RMST: variants seen among roughly 807,000 people sequenced by gnomAD.
The protein encoded by RMST is long intergenic non-protein coding RNA 54.
At chr12:97,525,452 A>G (rs1330129317) in intron 10 of RMST, among the ~76,000 whole-genome samples, 1 of 152,180 alleles carries the variant, frequency 6.6e-6, no homozygotes, top group Admixed American at 6.5e-5. Context: ...TCAAGTAGGA[A>G]TAATGACTCT....
At chr12:97,549,345 T>G (rs1430761877) in intron 11 of RMST, among the ~76,000 whole-genome samples, 1 of 152,240 alleles carries the variant, frequency 6.6e-6, no homozygotes, top group African/African-American at 2.4e-5. Context: ...AAAGAGCCAT[T>G]CTCAGAGAGC....
At chr12:97,481,160 T>C (rs1275270343) in intron 5 of RMST, among the ~76,000 whole-genome samples, 1 of 152,026 alleles carries the variant, frequency 6.6e-6, no homozygotes, top group Non-Finnish European at 1.5e-5. Context: ...TAACTTTTAA[T>C]TTTTTTTCTT....
intron 11 of RMST, among the ~76,000 whole-genome samples, chr12:97,551,256 C>T (rs1883290238): frequency 6.6e-6 from 1 of 150,498 alleles, no homozygotes; most frequent in Admixed American, 6.6e-5. Context: ...TAACCAAGCC[C>T]TGCCTTTTGT....
At chr12:97,498,521 ATTG>A (rs1258713669) in intron 10 of RMST, among the ~76,000 whole-genome samples, 162 of 152,282 alleles carry the variant, frequency 1.1e-3, no homozygotes, top group Non-Finnish European at 1.0e-4. Flanking sequence ...GATCTTTAAT[ATTG>A]TTGTTATTTA....
intron 5 of RMST, among the ~76,000 whole-genome samples, chr12:97,467,341 A>G (rs1313198774): frequency 1.3e-5 from 2 of 151,992 alleles, no homozygotes; most frequent in East Asian, 1.9e-4. Flanking sequence ...TAAAGTTATG[A>G]CATATTAGAT....
At chr12:97,517,057 C>G (rs902725177) in intron 10 of RMST, among the ~76,000 whole-genome samples, 7 of 151,872 alleles carry the variant, frequency 4.6e-5, no homozygotes, top group African/African-American at 1.7e-4. Flanking sequence ...GTATTTATTT[C>G]AGACTCTACT....
intron 10 of RMST, chr12:97,496,071 G>A (rs1877373944): frequency 6.6e-6 from 1 of 152,110 alleles, no homozygotes; most frequent in African/African-American, 2.4e-5. Flanking sequence ...AAGCATTTCT[G>A]TATTAAAGTA....
At chr12:97,504,742 A>G (rs2136490197) in intron 10 of RMST, among the ~76,000 whole-genome samples, 1 of 152,320 alleles carries the variant, frequency 6.6e-6, no homozygotes, top group Non-Finnish European at 1.5e-5. Context: ...TATTTTAAAT[A>G]TTTGTTTTCA....
intron 13 of RMST, chr12:97,563,547 T>A (rs1477859291): frequency 3.2e-6 from 1 of 314,850 alleles, no homozygotes; most frequent in African/African-American, 2.2e-5. Flanking sequence ...TGAGCATTTC[T>A]CCAGGAATTC....
chr12:97,477,632 C>G (rs1280377071), intron 5 of RMST, among the ~76,000 whole-genome samples: 1 of 152,176 alleles, frequency 6.6e-6, no homozygotes, highest in Non-Finnish European at 1.5e-5. Flanking sequence ...AGAAAAGCTA[C>G]TCATAGAGCA....
intron 10 of RMST, among the ~76,000 whole-genome samples, chr12:97,514,385 A>G (rs529826399): frequency 5.0e-4 from 76 of 152,338 alleles, no homozygotes; most frequent in African/African-American, 1.5e-3. Flanking sequence ...AACCATGTTC[A>G]AGAAATGTTT....
At chr12:97,537,708 T>C in intron 11 of RMST, among the ~76,000 whole-genome samples, 1 of 151,460 alleles carries the variant, frequency 6.6e-6, no homozygotes, top group Non-Finnish European at 1.5e-5. Context: ...AGATTGTTAT[T>C]CAAGTCACAT....
chr12:97,518,784 T>C (rs1208055132), intron 10 of RMST, among the ~76,000 whole-genome samples: 1 of 152,104 alleles, frequency 6.6e-6, no homozygotes, highest in Non-Finnish European at 1.5e-5. Flanking sequence ...TTGCATTTTT[T>C]AGAAAAAAGG....
intron 10 of RMST, among the ~76,000 whole-genome samples, chr12:97,523,659 A>G (rs1880742747): frequency 6.6e-6 from 1 of 152,174 alleles, no homozygotes; most frequent in African/African-American, 2.4e-5. Context: ...CTCTGTATCC[A>G]CCAGAAGTTA....
chr12:97,521,306 G>A (rs776360100), intron 10 of RMST, among the ~76,000 whole-genome samples: 1 of 152,036 alleles, frequency 6.6e-6, no homozygotes. Context: ...TTTCAGCTGA[G>A]CATAAAACTG....
chr12:97,526,260 G>A (rs1039889966), intron 10 of RMST, among the ~76,000 whole-genome samples: 5 of 152,112 alleles, frequency 3.3e-5, no homozygotes, highest in Non-Finnish European at 5.9e-5. Flanking sequence ...GTTGGAGACA[G>A]CTATAATATA....
chr12:97,524,507 A>G (rs1286387123), intron 10 of RMST, among the ~76,000 whole-genome samples: 1 of 152,210 alleles, frequency 6.6e-6, no homozygotes, highest in African/African-American at 2.4e-5. Flanking sequence ...GATGCTGACA[A>G]TGACACTGCT....
chr12:97,548,770 T>C (rs1047193480), intron 11 of RMST, among the ~76,000 whole-genome samples: 63 of 152,266 alleles, frequency 4.1e-4, no homozygotes, highest in Admixed American at 3.7e-3. Flanking sequence ...TAGGGTTTTC[T>C]ATAAATAAGA....
intron 10 of RMST, among the ~76,000 whole-genome samples, chr12:97,519,071 C>A (rs1004455054): frequency 1.3e-5 from 2 of 152,206 alleles, no homozygotes; most frequent in African/African-American, 4.8e-5. Flanking sequence ...AACCACTGCA[C>A]CCAACCAAAT....
Sources: gnomAD v4.1 joint callset for allele counts (sites outside exome capture counted in the v4.1 genomes callset) on GRCh38, gnomAD v4.1.1 for gene constraint, MANE v1.5 for transcripts, NCBI Gene and HGNC (gene_info 2026-07-23, HGNC 2026-07-21) for gene names.